VPS8: variants seen among roughly 807,000 people sequenced by gnomAD.
VPS8 encodes the protein VPS8 subunit of CORVET complex, also known as vacuolar protein sorting-associated protein 8 homolog.
VPS8 carries 129 observed loss-of-function variants against 216.4 expected under a neutral mutation model. That is an observed-to-expected ratio of 0.60 (90% confidence interval 0.52 to 0.69). The LOEUF is 0.69. VPS8 is among the 30% of genes least tolerant of loss of function. VPS8 has a pLI of 0.00. For missense variants in VPS8, 1,531 were observed against 1,683.5 expected (o/e 0.91, Z 1.59); for synonymous variants, 571 against 565.4 (o/e 1.01, Z -0.14).
At chr3:184,901,517 TG>T (rs1734485928) in intron 25 of VPS8, among the ~76,000 whole-genome samples, 1 of 151,432 alleles carries the variant, frequency 6.6e-6, no homozygotes, top group African/African-American at 2.4e-5. Context: ...GGGTTTTTTT[TG>T]TTTTTTTTTT....
intron 1 of VPS8, among the ~76,000 whole-genome samples, chr3:184,820,700 T>G (rs1459655503): frequency 6.6e-6 from 1 of 152,072 alleles, no homozygotes; most frequent in Non-Finnish European, 1.5e-5. Context: ...TGGAAAAACT[T>G]ACTGACTAAA....
intron 21 of VPS8, among the ~76,000 whole-genome samples, chr3:184,881,576 G>T (rs907214378): frequency 6.6e-6 from 1 of 151,984 alleles, no homozygotes; most frequent in Non-Finnish European, 1.5e-5. Context: ...TTGAAATTGG[G>T]TAGACCGATT....
At chr3:184,898,419 G>A in intron 23 of VPS8, 146 bp from the exon 24 acceptor site, 1 of 683,230 alleles carries the variant, frequency 1.5e-6, no homozygotes, top group Non-Finnish European at 2.6e-6. Flanking sequence ...CTTGCATTGT[G>A]TTTGAGTACT....
At chr3:185,042,459 G>A (rs1467556784) in intron 46 of VPS8, among the ~76,000 whole-genome samples, 2 of 152,226 alleles carry the variant, frequency 1.3e-5, no homozygotes, top group East Asian at 3.8e-4. Context: ...CAAGACTCCA[G>A]GTTTGCACAG....
chr3:184,941,367 G>A (rs1047269907), intron 36 of VPS8, among the ~76,000 whole-genome samples: 1 of 145,510 alleles, frequency 6.9e-6, no homozygotes, highest in Admixed American at 6.9e-5. Flanking sequence ...CCTTTTCAAA[G>A]TATCTGTATT....
intron 29 of VPS8, among the ~76,000 whole-genome samples, chr3:184,923,647 A>G (rs575373874): frequency 1.3e-5 from 2 of 152,270 alleles, no homozygotes; most frequent in Admixed American, 6.5e-5. Context: ...ATTCCTTAGG[A>G]TGACATTTGA....
At chr3:185,021,472 A>G (rs1460994393) in intron 45 of VPS8, among the ~76,000 whole-genome samples, 3 of 152,192 alleles carry the variant, frequency 2.0e-5, no homozygotes, top group African/African-American at 4.8e-5. Context: ...TTCTTTCATG[A>G]GGTCACTTTT....
rs373799198 is a variant in VPS8 at position 184,972,232 on chromosome 3, G to C, written c.3420+480G>C. Among the ~76,000 whole-genome samples, 576 of 152,156 alleles carry C rather than the reference G, an allele frequency of 3.8e-3. 3 individuals are homozygous for C. The highest frequency in any genetic ancestry group is 0.013 in the African/African-American group (553 of 41,494). On this transcript the variant is annotated intron_variant, in intron 40 of 47. Transcript: ENST00000625842. ...CCGAAGTTACTATAAAGAGTGTGTG[G>C]CTTCTTTGTTCTCACCAAAGGCTTT...
chr3:184,927,372 G>A (rs1041796578), intron 31 of VPS8, among the ~76,000 whole-genome samples: 3 of 152,070 alleles, frequency 2.0e-5, no homozygotes, highest in Non-Finnish European at 2.9e-5. Flanking sequence ...TGAGACTATC[G>A]GATAGCAACA....
intron 36 of VPS8, among the ~76,000 whole-genome samples, chr3:184,949,690 C>T (rs1744303289): frequency 6.6e-6 from 1 of 152,022 alleles, no homozygotes; most frequent in African/African-American, 2.4e-5. Flanking sequence ...TAGATACTGT[C>T]TTTACTACCT....
At chr3:184,849,022 T>A (rs1166951922) in intron 8 of VPS8, 49 bp from the exon 9 acceptor site, 1 of 1,604,940 alleles carries the variant, frequency 6.2e-7, no homozygotes, top group South Asian at 1.1e-5. Context: ...CTCGATGTAT[T>A]TACTCTCTTG....
chr3:184,824,498 A>G, intron 1 of VPS8, 47 bp from the exon 2 acceptor site: 1 of 923,102 alleles, frequency 1.1e-6, no homozygotes, highest in Non-Finnish European at 1.6e-6. Flanking sequence ...AGGAAATCTA[A>G]ATGATAGTGT....
intron 46 of VPS8, among the ~76,000 whole-genome samples, chr3:185,033,421 C>A (rs1054696013): frequency 9.2e-5 from 14 of 152,218 alleles, no homozygotes; most frequent in African/African-American, 2.9e-4. Context: ...TAGCAGTCAG[C>A]ATTTAGGGTT....
chr3:184,884,967 CTCAG>C (rs1240095488), intron 21 of VPS8, among the ~76,000 whole-genome samples: 2 of 152,218 alleles, frequency 1.3e-5, no homozygotes, highest in Non-Finnish European at 2.9e-5. Flanking sequence ...CCACTGTATT[CTCAG>C]TCAGGGTTGA....
chr3:184,893,707 TA>T (rs1732807277), intron 22 of VPS8, among the ~76,000 whole-genome samples: 1 of 152,202 alleles, frequency 6.6e-6, no homozygotes, highest in African/African-American at 2.4e-5. Context: ...TCACTTAAGA[TA>T]AATTTCTAAA....
At chr3:185,012,367 CAT>C (rs748929533) in intron 45 of VPS8, among the ~76,000 whole-genome samples, 43 of 146,756 alleles carry the variant, frequency 2.9e-4, no homozygotes, top group Admixed American at 1.1e-3. Context: ...ATATGATAAA[CAT>C]AAATATAATA....
Position 184,849,088 on chromosome 3 carries a change from C to A in VPS8, c.559C>A (p.Arg187=). ...IFGKDQNQAL[R]LCLGSTSVGG... ...TTCTTTAGATCAGAATCAAGCTTTG[C>A]GACTCTGTCTGGGTAGCACTAGTGT... The change falls in exon 9 of 48, where the codon CGA becomes AGA. Residue 187 remains arginine (R), a synonymous_variant. Coordinates refer to ENST00000625842, the MANE Select transcript of VPS8 (RefSeq NM_001009921.3). The A allele has an allele frequency of 6.2e-7, 1 of 1,612,936 alleles. No homozygotes were observed. The highest frequency in any genetic ancestry group is 1.1e-5 in the South Asian group (1 of 91,080).
chr3:184,850,801 G>A (rs1724106076), intron 10 of VPS8, among the ~76,000 whole-genome samples: 1 of 152,202 alleles, frequency 6.6e-6, no homozygotes, highest in Admixed American at 6.5e-5. Context: ...GCTTTTTAAA[G>A]TCTGCAAGCA....
chr3:184,824,288 A>C, intron 1 of VPS8: 1 of 210,358 alleles, frequency 4.8e-6, no homozygotes, highest in Non-Finnish European at 9.7e-6. Context: ...AGTTATCACT[A>C]TCACCAGTTT....
Sources: allele counts gnomAD v4.1 joint callset (sites outside exome capture counted in the v4.1 genomes callset), GRCh38; gene constraint gnomAD v4.1.1; transcripts MANE v1.5; gene names NCBI Gene and HGNC (gene_info 2026-07-23, HGNC 2026-07-21).